Variants in TTLL8 observed in about 807,000 individuals in gnomAD.
TTLL8 encodes protein monoglycylase TTLL8.
Under a neutral mutation model 77.8 loss-of-function variants are expected in TTLL8, and 65 were observed. The ratio of observed to expected loss-of-function variants is 0.84; its 90% CI spans 0.68 to 1.03. The LOEUF (loss-of-function observed/expected upper bound fraction) is 1.03, where lower values mean the gene tolerates loss of function less well. Ranked by LOEUF, TTLL8 falls within the 50% of genes least tolerant of loss-of-function variation. TTLL8 has a pLI of 0.00. For missense variants in TTLL8, 910 were observed against 1,004.5 expected, an observed-to-expected ratio of 0.91 and a Z score of 1.27; for synonymous variants, 402 against 422.8, an observed-to-expected ratio of 0.95 and a Z score of 0.60.
In TTLL8 at chr22:50,031,343, G is replaced by T. The variant is rs542310341; in HGVS notation, c.1707+343C>A. Among the ~76,000 whole-genome samples the T allele has an allele frequency of 5.9e-5, 9 of 152,330 alleles. No individual in the cohort carries two copies. The South Asian group carries it at 1.9e-3, about 32-fold the overall frequency. ...GCAGCATAGGTGGCCTGGAGGCTGCGGGCATGGAGCCCCCACCTCTAACCA... is the reference window on the plus strand; with the variant it reads ...GCAGCATAGGTGGCCTGGAGGCTGCTGGCATGGAGCCCCCACCTCTAACCA... On this transcript the variant is annotated intron_variant, in intron 11 of 13. Transcript: ENST00000266182.
intron 12 of TTLL8, among the ~76,000 whole-genome samples, chr22:50,022,452 TGTGTACTCCTCCATCTGAC>T (rs1223383939): frequency 4.8e-5 from 7 of 144,882 alleles, no homozygotes; most frequent in African/African-American, 1.6e-4. Context: ...CATCTGATGA[TGTGTACTCCTCCATCTGAC>T]GTGTACTCCT....
intron 8 of TTLL8, among the ~76,000 whole-genome samples, chr22:50,040,934 G>A (rs924813625): frequency 6.6e-6 from 1 of 152,156 alleles, no homozygotes; most frequent in African/African-American, 2.4e-5. Flanking sequence ...TCAGCAGGGG[G>A]CAAGAAGGCC....
Position 50,034,191 on chromosome 22 carries a change from C to T in TTLL8, c.1039+154G>A. On this transcript the variant is annotated intron_variant, in intron 9 of 13. Transcript: ENST00000266182. The surrounding 1 kb of genome is among the most constrained non-coding windows in gnomAD (Gnocchi z 4.1). ...GAAGACGCCTCCAGCTCTGCTCCAG[C>T]GCCTGAGTCCTGACCCCCACGCCTG... 4 of 776,694 alleles carry T rather than the reference C, an allele frequency of 5.2e-6. No homozygotes were observed. Among genetic ancestry groups the T allele is most frequent in the Middle Eastern group, 6.4e-4 (1 of 1,554 alleles). The allele number at this position is 776,694 out of a possible 1,614,324, so 48.1% of individuals were successfully genotyped here.
At chr22:50,045,693 G>A (rs912532132) in intron 5 of TTLL8, 163 bp downstream of exon 7, 10 of 928,932 alleles carry the variant, frequency 1.1e-5, no homozygotes, top group Admixed American at 6.2e-5. Context: ...CCTCCCTCCC[G>A]GGGCCCCTGG....
At position 50,041,549 on chromosome 22, in the gene TTLL8, G is replaced by A. The variant is rs533042273; in HGVS notation, c.830+72C>T. On this transcript the variant is annotated intron_variant, in intron 7 of 13. Transcript: ENST00000266182. The surrounding 1 kb of genome is among the most constrained non-coding windows in gnomAD (Gnocchi z 4.3). ...ACAGGTGACCCAGTTCCCAGAGGCT[G>A]CACTGCCCCGGCAGCTCCTGCAATC... 4.5e-4 allele frequency: 560 copies of A among 1,255,542 alleles called. 1 individual carries two copies. Among genetic ancestry groups the A allele is most frequent in the Middle Eastern group, 1.5e-3 (6 of 4,034 alleles). The allele number at this position is 1,255,542 out of a possible 1,614,324, so 77.8% of individuals were successfully genotyped here. A position where few individuals can be genotyped will look rare whatever the true frequency, so the allele number is the denominator to read the frequency against.
Position 50,044,825 on chromosome 22 carries a change from C to T in TTLL8, c.643+430G>A, listed in dbSNP as rs1048255925. Reference sequence around the variant, plus strand: ...AAGATTTGGGTTTTGTCCAAAAACACGACGGCTGGTTCACATCCCTGTACC... The same window carrying T: ...AAGATTTGGGTTTTGTCCAAAAACATGACGGCTGGTTCACATCCCTGTACC... On this transcript the variant is annotated intron_variant, in intron 6 of 13. Coordinates refer to ENST00000266182, the Ensembl canonical transcript of TTLL8. This position sits in a 1 kb window ranked among gnomAD's most constrained non-coding sequence, Gnocchi z 4.2. Among the ~76,000 whole-genome samples the T allele has an allele frequency of 3.3e-5, 5 of 152,176 alleles. No homozygotes were observed. Among genetic ancestry groups the T allele is most frequent in the African/African-American group, 1.2e-4 (5 of 41,438 alleles).
rs756274927 is a variant in TTLL8 at position 50,041,657 on chromosome 22, C to T, written c.794G>A (p.Trp265Ter). ...GTAGTACTGCTGGGTCAGGTCCTCC[C>T]ACTCGGCCTCAGTGAGGTCCTCCAC... Residue 265 changes from tryptophan (W) to a stop codon, truncating the protein, a stop_gained, in exon 7 of 14, where the codon TGG becomes TAG. Transcript: ENST00000266182. LOFTEE classifies it high-confidence loss of function. The surrounding 1 kb of genome is among the most constrained non-coding windows in gnomAD (Gnocchi z 4.3). 7.3e-7 allele frequency: 1 copy of T among 1,366,758 alleles called. No individual in the cohort carries two copies. The highest frequency in any genetic ancestry group is 1.1e-5 in the South Asian group (1 of 87,912). The allele number at this position is 1,366,758 out of a possible 1,614,324, so 84.7% of individuals were successfully genotyped here.
intron 1 of TTLL8, among the ~76,000 whole-genome samples, chr22:50,051,586 C>A (rs764891060): frequency 1.6e-4 from 25 of 152,182 alleles, no homozygotes; most frequent in Non-Finnish European, 3.2e-4. Flanking sequence ...GGTAGATCTA[C>A]TTTTAGTCCT....
chr22:50,055,319 T>C (rs1250752699), upstream of TTLL8: 3 of 1,289,980 alleles, frequency 2.3e-6, no homozygotes, highest in South Asian at 3.7e-5. Flanking sequence ...AATTCCTTGT[T>C]TTAATTCTGC....
At chr22:50,054,855 C>T (rs889301298), upstream of TTLL8, among the ~76,000 whole-genome samples, 6 of 152,236 alleles carry the variant, frequency 3.9e-5, no homozygotes, top group Admixed American at 1.3e-4. Flanking sequence ...GTCAGGAGTT[C>T]GAGACCAGCC....
chr22:50,055,819 G>A (rs1460259776), upstream of TTLL8, among the ~76,000 whole-genome samples: 1 of 152,154 alleles, frequency 6.6e-6, no homozygotes, highest in African/African-American at 2.4e-5. Flanking sequence ...GGTGGTAGAC[G>A]TGTCAGCGGT....
intron 8 of TTLL8, among the ~76,000 whole-genome samples, chr22:50,037,899 CA>C (rs974903346): frequency 7.3e-5 from 11 of 151,510 alleles, no homozygotes; most frequent in Non-Finnish European, 1.5e-5. Context: ...TGCCCCCCAA[CA>C]AAAAAAATAC....
At chr22:50,037,689 C>T (rs1293594849) in intron 8 of TTLL8, among the ~76,000 whole-genome samples, 1 of 152,130 alleles carries the variant, frequency 6.6e-6, no homozygotes, top group East Asian at 1.9e-4. Flanking sequence ...ATGCAGTGAA[C>T]ACAGATAGGA....
In TTLL8 at chr22:50,027,292, G is replaced by C. The variant is rs570090185; in HGVS notation, c.2203+3138C>G. Among the ~76,000 whole-genome samples, 3 of 151,026 alleles carry C rather than the reference G, an allele frequency of 2.0e-5. No individual in the cohort carries two copies. The South Asian group carries it at 6.3e-4, about 32-fold the overall frequency. On this transcript the variant is annotated intron_variant, in intron 12 of 13. Transcript: ENST00000266182. The stretch of plus-strand genomic sequence containing the variant: ...CTCACGCCTGTAATCCCAACACTTT[G>C]GGAGGCCAAGGTGCGTGGATTGCCT...
Position 50,044,558 on chromosome 22 carries a change from G to A in TTLL8, c.643+697C>T, listed in dbSNP as rs1006824920. Reference sequence around the variant, plus strand: ...TTTACCTAGAAGGGCTTTTCCCCTCGGTGGAGCCCTGCAGCCTCCTGATTG... The same window carrying A: ...TTTACCTAGAAGGGCTTTTCCCCTCAGTGGAGCCCTGCAGCCTCCTGATTG... On this transcript the variant is annotated intron_variant, in intron 6 of 13. Transcript: ENST00000266182. This position sits in a 1 kb window ranked among gnomAD's most constrained non-coding sequence, Gnocchi z 4.2. Among the ~76,000 whole-genome samples the A allele has an allele frequency of 6.6e-6, 1 of 152,162 alleles. No individual in the cohort carries two copies. Among genetic ancestry groups the A allele is most frequent in the African/African-American group, 2.4e-5 (1 of 41,428 alleles).
intron 12 of TTLL8, among the ~76,000 whole-genome samples, chr22:50,022,826 C>T (rs996586374): frequency 3.3e-5 from 5 of 152,234 alleles, no homozygotes; most frequent in Admixed American, 1.3e-4. Flanking sequence ...GTGACTTTGT[C>T]GAAAACCCAA....
In TTLL8 at chr22:50,041,485, T is replaced by C. The variant is rs2061370489; in HGVS notation, c.830+136A>G. On this transcript the variant is annotated intron_variant, in intron 7 of 13. Coordinates refer to ENST00000266182, the Ensembl canonical transcript of TTLL8. This position sits in a 1 kb window ranked among gnomAD's most constrained non-coding sequence, Gnocchi z 4.3. The stretch of plus-strand genomic sequence containing the variant: ...AGGAGCCCCAACGCCAGGACAGGCA[T>C]CTCAACACTCAATACCCCACAGGTA... The C allele has an allele frequency of 8.3e-7, 1 of 1,206,058 alleles. No individual in the cohort carries two copies. The highest frequency in any genetic ancestry group is 1.1e-6 in the Non-Finnish European group (1 of 944,512). 74.7% of individuals were successfully genotyped at this position (1,206,058 alleles called of 1,614,324 possible).
chr22:50,029,975 GGGCGTGGTGGCTCA>G (rs1300517284), intron 12 of TTLL8, among the ~76,000 whole-genome samples: 8 of 152,308 alleles, frequency 5.3e-5, no homozygotes, highest in African/African-American at 1.9e-4. Context: ...GATGGGGGCC[GGGCGTGGTGGCTCA>G]GGCCTGTCAC....
chr22:50,019,770 G>A (rs1362301588), intron 12 of TTLL8, among the ~76,000 whole-genome samples: 2 of 152,190 alleles, frequency 1.3e-5, no homozygotes, highest in Admixed American at 1.3e-4. Context: ...GAGGATAAAT[G>A]TTTGCTTTGC....
Sources: allele counts gnomAD v4.1 joint callset (sites outside exome capture counted in the v4.1 genomes callset), GRCh38; gene constraint gnomAD v4.1.1; non-coding constraint Gnocchi (gnomAD v3.1); transcripts MANE v1.5; gene names NCBI Gene and HGNC (gene_info 2026-07-23, HGNC 2026-07-21).